Variants in LTBP1 observed in about 807,000 individuals in gnomAD.
LTBP1 encodes latent-transforming growth factor beta-binding protein 1.
In LTBP1, 129 loss-of-function variants were observed where a neutral mutation model predicts 207.6. The observed-to-expected ratio is 0.62, with a 90% CI of 0.54 to 0.72. The LOEUF is 0.72. Among genes scored for constraint, LTBP1 ranks in the 30% least tolerant of loss-of-function variants. LTBP1 has a pLI of 0.00. For synonymous variants in LTBP1, 963 were observed against 833.7 expected (o/e 1.16, Z -2.67); for missense variants, 2,281 against 2,217.2 (o/e 1.03, Z -0.58).
chr2:33,211,561 C>T (rs2090316097), intron 7 of LTBP1, among the ~76,000 whole-genome samples: 1 of 152,138 alleles, frequency 6.6e-6, no homozygotes, highest in Non-Finnish European at 1.5e-5. Flanking sequence ...TCTGGGATTT[C>T]AATCCAAGTC....
chr2:33,036,817 T>C (rs1242340221), intron 3 of LTBP1, among the ~76,000 whole-genome samples: 1 of 152,216 alleles, frequency 6.6e-6, no homozygotes, highest in African/African-American at 2.4e-5. Context: ...TTTTTTAGCA[T>C]GCAATAGAAA....
intron 5 of LTBP1, among the ~76,000 whole-genome samples, chr2:33,155,285 C>T (rs998583295): frequency 1.3e-5 from 2 of 151,986 alleles, no homozygotes; most frequent in Admixed American, 6.6e-5. Flanking sequence ...AGGCTACTCT[C>T]GAACTCCCGA....
intron 5 of LTBP1, among the ~76,000 whole-genome samples, chr2:33,173,772 C>A (rs1309832667): frequency 2.8e-5 from 4 of 141,676 alleles, no homozygotes; most frequent in Non-Finnish European, 6.3e-5. Context: ...TACTGGCAAA[C>A]CGAATCCAGC....
chr2:33,201,848 A>G (rs924918673), intron 7 of LTBP1, among the ~76,000 whole-genome samples: 17 of 152,340 alleles, frequency 1.1e-4, no homozygotes, highest in Non-Finnish European at 2.4e-4. Flanking sequence ...TTAAAGTGAC[A>G]CAAGAACTGT....
intron 7 of LTBP1, among the ~76,000 whole-genome samples, chr2:33,202,149 A>G (rs1273516148): frequency 3.3e-5 from 5 of 152,152 alleles, no homozygotes; most frequent in Admixed American, 6.5e-5. Flanking sequence ...TAACAGGAAA[A>G]TATGAGCTCA....
intron 4 of LTBP1, among the ~76,000 whole-genome samples, chr2:33,124,976 C>T (rs1178417550): frequency 3.3e-5 from 5 of 152,172 alleles, no homozygotes; most frequent in Non-Finnish European, 5.9e-5. Flanking sequence ...AGATAAAGAT[C>T]TTAAGACTTG....
rs148694289 is a variant in LTBP1 at position 33,258,374 on chromosome 2, G to A, written c.2395+863G>A. On this transcript the variant is annotated intron_variant, in intron 12 of 33. Transcript: ENST00000404816. The stretch of plus-strand genomic sequence containing the variant: ...GGTCAGAATTCAGGGGGCCATTTTT[G>A]GGTGCTGTTGAGGAGATAGAGTGCC... Among the ~76,000 whole-genome samples the A allele has an allele frequency of 7.8e-4, 118 of 152,228 alleles. 1 individual carries two copies. The highest frequency in any genetic ancestry group is 7.2e-4 in the Non-Finnish European group (49 of 68,002).
intron 2 of LTBP1, among the ~76,000 whole-genome samples, chr2:32,963,645 C>A (rs528074620): frequency 6.6e-6 from 1 of 152,304 alleles, no homozygotes; most frequent in South Asian, 2.1e-4. Flanking sequence ...TGTTCCTTAA[C>A]ATAAAAGATG....
At chr2:33,283,102 A>G (rs1371145738) in intron 19 of LTBP1, among the ~76,000 whole-genome samples, 4 of 151,688 alleles carry the variant, frequency 2.6e-5, no homozygotes, top group Non-Finnish European at 5.9e-5. Flanking sequence ...TGAATAAAAT[A>G]AAGTTTTTCT....
chr2:33,263,434 C>A, intron 15 of LTBP1, 42 bp downstream of exon 15: 2 of 1,420,262 alleles, frequency 1.4e-6, no homozygotes, highest in Non-Finnish European at 2.0e-6. Flanking sequence ...ATGGAGGAGA[C>A]GTGGGGCTGA....
chr2:33,102,219 G>C (rs1440617817), intron 3 of LTBP1, among the ~76,000 whole-genome samples: 6 of 152,114 alleles, frequency 3.9e-5, no homozygotes, highest in African/African-American at 1.4e-4. Flanking sequence ...CCCACGTTTA[G>C]AGCGCTAGTT....
At chr2:33,316,556 A>T (rs2094276081) in intron 24 of LTBP1, among the ~76,000 whole-genome samples, 1 of 152,176 alleles carries the variant, frequency 6.6e-6, no homozygotes, top group Non-Finnish European at 1.5e-5. Context: ...TGGGAGAGAG[A>T]GAGTTCAGGG....
chr2:33,334,492 T>C (rs2094532559), intron 24 of LTBP1, among the ~76,000 whole-genome samples: 1 of 152,192 alleles, frequency 6.6e-6, no homozygotes, highest in South Asian at 2.1e-4. Flanking sequence ...AAAGATAATG[T>C]GTCCTTGAAT....
intron 9 of LTBP1, among the ~76,000 whole-genome samples, chr2:33,237,566 A>G (rs903546748): frequency 6.6e-6 from 1 of 152,250 alleles, no homozygotes; most frequent in Non-Finnish European, 1.5e-5. Flanking sequence ...TGTGCATTAA[A>G]TAATTTCATC....
In LTBP1 at chr2:33,134,474, TTGTC is replaced by T. The variant is rs2081999874; in HGVS notation, c.1034-316_1034-313del. 1 of 1,150,606 alleles carries T rather than the reference TTGTC, an allele frequency of 8.7e-7. No individual in the cohort carries two copies. Among genetic ancestry groups the T allele is most frequent in the African/African-American group, 1.5e-5 (1 of 64,588 alleles). The allele number at this position is 1,150,606 out of a possible 1,614,324, so 71.3% of individuals were successfully genotyped here. On this transcript the variant is annotated intron_variant, in intron 4 of 33. Coordinates refer to ENST00000404816, the MANE Select transcript of LTBP1 (RefSeq NM_206943.4). This position sits in a 1 kb window ranked among gnomAD's most constrained non-coding sequence, Gnocchi z 4.4. ...TCTGTCGTGCCCTCGGTATTGCTCT[TTGTC>T]TGCCCGTGAATAAAGTGCAGCATTG...
intron 20 of LTBP1, among the ~76,000 whole-genome samples, chr2:33,299,992 A>C (rs565481809): frequency 2.0e-4 from 30 of 152,338 alleles, no homozygotes; most frequent in Non-Finnish European, 3.8e-4. Context: ...CTTATAGTTC[A>C]ACTTCTAGAC....
chr2:33,196,915 C>A lies in LTBP1; in HGVS notation c.1701+8064C>A, dbSNP rs189088828. 2.6e-5 allele frequency among the ~76,000 whole-genome samples: 4 copies of A among 152,282 alleles called. No homozygotes were observed. In the East Asian group the frequency reaches 7.7e-4, roughly 29 times the overall value. On this transcript the variant is annotated intron_variant, in intron 7 of 33. Transcript: ENST00000404816. ...TGATGATAGCTTAAATTCATGACCA[C>A]AGAGGACATTTCTTTGGATTGCATT...
intron 7 of LTBP1, among the ~76,000 whole-genome samples, chr2:33,192,680 T>A (rs1421359082): frequency 6.6e-6 from 1 of 152,228 alleles, no homozygotes; most frequent in African/African-American, 2.4e-5. Context: ...AATTTGAACA[T>A]GAGCTCTGTC....
Position 33,380,462 on chromosome 2 carries a change from C to T in LTBP1, c.4712-8722C>T, listed in dbSNP as rs143479291. 4.6e-4 allele frequency among the ~76,000 whole-genome samples: 70 copies of T among 151,358 alleles called. No homozygotes were observed. The East Asian group carries it at 0.011, about 24-fold the overall frequency. Reference sequence around the variant, plus strand: ...AAAATTAGCTGGGCGTGATGGCACACGCCTTCTGAGGCAGGAGAATCACTT... The same window carrying T: ...AAAATTAGCTGGGCGTGATGGCACATGCCTTCTGAGGCAGGAGAATCACTT... On this transcript the variant is annotated intron_variant, in intron 31 of 33. Transcript: ENST00000404816.
Sources: allele counts gnomAD v4.1 joint callset (sites outside exome capture counted in the v4.1 genomes callset), GRCh38; gene constraint gnomAD v4.1.1; non-coding constraint Gnocchi (gnomAD v3.1); transcripts MANE v1.5; gene names NCBI Gene and HGNC (gene_info 2026-07-23, HGNC 2026-07-21).